The following STK32A variants were observed in gnomAD, a reference collection of about 807,000 sequenced individuals.
The protein encoded by STK32A is serine/threonine kinase 32A.
In STK32A, 41 loss-of-function variants were observed where a neutral mutation model predicts 53.2. The observed-to-expected ratio is 0.77, with a 90% CI of 0.60 to 1.00. The LOEUF (loss-of-function observed/expected upper bound fraction) is 1.00, where lower values mean the gene tolerates loss of function less well. Among genes scored for constraint, STK32A ranks in the 50% least tolerant of loss-of-function variants. STK32A has a pLI of 0.00. For missense variants in STK32A, 458 were observed against 485.8 expected (o/e 0.94, Z 0.54); for synonymous variants, 166 against 162.8 (o/e 1.02, Z -0.15).
chr5:147,317,810 A>C (rs4705037), intron 4 of STK32A, among the ~76,000 whole-genome samples: 18,351 of 152,222 alleles, frequency 0.12, 1,471 homozygotes, highest in Middle Eastern at 0.22. Context: ...TTTACAAAAC[A>C]ATCAGAAAAA....
At chr5:147,238,775 G>A (rs1166698275) in intron 1 of STK32A, among the ~76,000 whole-genome samples, 2 of 150,804 alleles carry the variant, frequency 1.3e-5, no homozygotes, top group African/African-American at 4.9e-5. Flanking sequence ...ATAGATTTAT[G>A]TAACTCAATA....
At chr5:147,271,463 A>G (rs1440237670) in intron 2 of STK32A, among the ~76,000 whole-genome samples, 1 of 152,210 alleles carries the variant, frequency 6.6e-6, no homozygotes, top group Admixed American at 6.5e-5. Flanking sequence ...CCTTGAAAAA[A>G]GAACAAGATA....
At chr5:147,359,196 A>T (rs985226929) in intron 7 of STK32A, among the ~76,000 whole-genome samples, 2 of 152,132 alleles carry the variant, frequency 1.3e-5, no homozygotes, top group African/African-American at 4.8e-5. Flanking sequence ...GGGTTGGTGA[A>T]AGCCCTTCAA....
intron 4 of STK32A, among the ~76,000 whole-genome samples, chr5:147,315,611 T>C (rs969915287): frequency 2.6e-5 from 4 of 152,214 alleles, no homozygotes; most frequent in African/African-American, 9.6e-5. Context: ...GTATAGAGTT[T>C]CTGTTAGCAA....
chr5:147,251,375 G>C (rs1273862228), intron 2 of STK32A, among the ~76,000 whole-genome samples: 1 of 152,140 alleles, frequency 6.6e-6, no homozygotes, highest in Non-Finnish European at 1.5e-5. Context: ...AGGGAGTGTT[G>C]GCAGAGATTG....
intron 2 of STK32A, among the ~76,000 whole-genome samples, chr5:147,249,908 C>CGA (rs1554099042): frequency 3.4e-5 from 2 of 58,578 alleles, no homozygotes; most frequent in Admixed American, 2.8e-4. Context: ...GCCTCTGTCT[C>CGA]AAAAAAAAAA....
intron 2 of STK32A, among the ~76,000 whole-genome samples, chr5:147,251,653 A>C (rs182333138): frequency 6.6e-6 from 1 of 152,340 alleles, no homozygotes; most frequent in Admixed American, 6.5e-5. Context: ...TTATGTGCCT[A>C]ACTCTAAATC....
chr5:147,318,366 C>A (rs972391683), intron 4 of STK32A, among the ~76,000 whole-genome samples: 1 of 152,148 alleles, frequency 6.6e-6, no homozygotes, highest in South Asian at 2.1e-4. Context: ...GCTCCCTTAT[C>A]GATGGGCATG....
rs752339137 is a variant in STK32A, at chr5:147,300,889, C to T, written c.260+21491C>T. 9.2e-5 allele frequency among the ~76,000 whole-genome samples: 14 copies of T among 152,322 alleles called. No individual in the cohort carries two copies. The South Asian group carries it at 1.2e-3, about 14-fold the overall frequency. On this transcript the variant is annotated intron_variant, in intron 4 of 12. Coordinates refer to ENST00000397936, the MANE Select transcript of STK32A (RefSeq NM_001112724.2). ...TGTACTTCAAGCACCTCACAAAGTA[C>T]GTGGTTGATAAATGGTGACTTTACA...
intron 5 of STK32A, 96 bp from the exon 6 acceptor site, chr5:147,342,910 C>A (rs1755499543): frequency 9.4e-7 from 1 of 1,064,746 alleles, no homozygotes; most frequent in Non-Finnish European, 1.4e-6. Flanking sequence ...TACACTGTTT[C>A]AACTCCAGTT....
chr5:147,388,981 G>A (rs1757735019), downstream of STK32A, among the ~76,000 whole-genome samples: 1 of 152,180 alleles, frequency 6.6e-6, no homozygotes, highest in African/African-American at 2.4e-5. Flanking sequence ...ATAAAATGGG[G>A]CTATAAACCA....
chr5:147,255,366 A>C (rs10875621), intron 2 of STK32A, among the ~76,000 whole-genome samples: 49,646 of 151,988 alleles, frequency 0.33, 8,682 homozygotes, highest in African/African-American at 0.45. Flanking sequence ...TCAGTAAGTG[A>C]CATTTTTATG....
chr5:147,289,608 T>C (rs1752505381), intron 4 of STK32A, among the ~76,000 whole-genome samples: 1 of 151,908 alleles, frequency 6.6e-6, no homozygotes, highest in South Asian at 2.1e-4. Flanking sequence ...ACATATGTTT[T>C]TCAATATCAT....
chr5:147,339,609 G>A (rs1322889851), intron 5 of STK32A, among the ~76,000 whole-genome samples: 2 of 152,236 alleles, frequency 1.3e-5, no homozygotes, highest in Admixed American at 1.3e-4. Flanking sequence ...TACAATGCCA[G>A]CCAATGAACG....
intron 7 of STK32A, among the ~76,000 whole-genome samples, chr5:147,355,202 A>G (rs1581131557): frequency 6.6e-6 from 1 of 152,212 alleles, no homozygotes; most frequent in African/African-American, 2.4e-5. Context: ...TCAGTTCCAT[A>G]GCTCTGTAAA....
chr5:147,361,970 C>T (rs562953409), intron 8 of STK32A, among the ~76,000 whole-genome samples: 4 of 152,316 alleles, frequency 2.6e-5, no homozygotes, highest in Non-Finnish European at 4.4e-5. Flanking sequence ...CTAATTCAGA[C>T]ATACCTCACC....
intron 1 of STK32A, among the ~76,000 whole-genome samples, chr5:147,237,909 G>A (rs912031460): frequency 6.6e-6 from 1 of 152,122 alleles, no homozygotes; most frequent in Admixed American, 6.5e-5. Flanking sequence ...AATTCTGCCT[G>A]TAATCAATAT....
At chr5:147,349,204 G>A (rs1171087069) in intron 6 of STK32A, among the ~76,000 whole-genome samples, 1 of 152,190 alleles carries the variant, frequency 6.6e-6, no homozygotes, top group Admixed American at 6.5e-5. Flanking sequence ...TTAGATGAGT[G>A]CTACCTTTAC....
intron 8 of STK32A, among the ~76,000 whole-genome samples, chr5:147,364,723 CTCT>C (rs1756669261): frequency 6.6e-6 from 1 of 152,122 alleles, no homozygotes; most frequent in Admixed American, 6.6e-5. Flanking sequence ...TAATCTCTTT[CTCT>C]TCTTTTTGTA....
Sources: gnomAD v4.1 joint callset for allele counts (sites outside exome capture counted in the v4.1 genomes callset) on GRCh38, gnomAD v4.1.1 for gene constraint, MANE v1.5 for transcripts, NCBI Gene and HGNC (gene_info 2026-07-23, HGNC 2026-07-21) for gene names.